Variants in TPO observed in about 807,000 individuals in gnomAD.
The protein encoded by TPO is thyroid peroxidase.
In TPO, 78 loss-of-function variants were observed where a neutral mutation model predicts 96.9. That is an observed-to-expected ratio of 0.81 (90% CI 0.67 to 0.97). TPO has a LOEUF of 0.97. Among genes scored for constraint, TPO ranks in the 50% least tolerant of loss-of-function variants. The pLI is 0.00. For synonymous variants in TPO, 547 were observed against 538.0 expected, an observed-to-expected ratio of 1.02 and a Z score of -0.23; for missense variants, 1,252 against 1,274.8, an observed-to-expected ratio of 0.98 and a Z score of 0.27.
At position 1,493,990 on chromosome 2, in the gene TPO, T is replaced by C. The variant is rs1672071515; in HGVS notation, c.1957T>C (p.Phe653Leu). The change falls in exon 11 of 17, where the codon TTT (phenylalanine) becomes CTT (leucine). Residue 653 changes from phenylalanine (F) to leucine (L), a missense_variant. By Grantham distance (22) the Phe-to-Leu change is conservative. Transcript: ENST00000329066. ...CCCCAGGGCTCGGACAGGGCCCCTG[T>C]TTGCCTGTCTCATTGGGAAGCAGAT... ...FLPRARTGPL[F>L]ACLIGKQMKA... is the part of the protein sequence containing the mutation. The C allele has an allele frequency of 1.2e-6, 2 of 1,614,118 alleles. No homozygotes were observed. The highest frequency in any genetic ancestry group is 8.5e-7 in the Non-Finnish European group (1 of 1,180,020).
At chr2:1,475,733 T>G (rs371593866) in intron 7 of TPO, among the ~76,000 whole-genome samples, 241 of 152,196 alleles carry the variant, frequency 1.6e-3, no homozygotes, top group African/African-American at 5.5e-3. Flanking sequence ...ATTACAGGCG[T>G]GAGCCCCCGC....
chr2:1,499,480 C>T (rs1317036023), intron 13 of TPO, among the ~76,000 whole-genome samples: 2 of 152,138 alleles, frequency 1.3e-5, no homozygotes, highest in Non-Finnish European at 2.9e-5. Context: ...GGTGCAGGGG[C>T]CTGTCTCGGC....
intron 2 of TPO, among the ~76,000 whole-genome samples, chr2:1,421,980 G>A (rs1404040081): frequency 6.6e-6 from 1 of 152,212 alleles, no homozygotes; most frequent in Non-Finnish European, 1.5e-5. Context: ...GCCCGTGCTA[G>A]GTGTTCCTCC....
intron 5 of TPO, 110 bp downstream of exon 5, chr2:1,436,494 G>A: frequency 6.5e-7 from 1 of 1,540,042 alleles, no homozygotes; most frequent in South Asian, 1.2e-5. Flanking sequence ...ATCCACCCCT[G>A]AGCCCCTGGT....
intron 1 of TPO, among the ~76,000 whole-genome samples, chr2:1,404,881 A>G (rs1662225575): frequency 6.6e-6 from 1 of 152,206 alleles, no homozygotes; most frequent in Non-Finnish European, 1.5e-5. Flanking sequence ...CTTACCTTTC[A>G]AGATTAATTT....
intron 8 of TPO, among the ~76,000 whole-genome samples, chr2:1,479,444 C>T (rs1670327765): frequency 1.3e-5 from 2 of 152,356 alleles, no homozygotes; most frequent in Admixed American, 6.5e-5. Flanking sequence ...TCTGTCTCCT[C>T]AGGAGCAGGA....
chr2:1,478,689 G>A (rs986968155), intron 8 of TPO, among the ~76,000 whole-genome samples: 3 of 152,242 alleles, frequency 2.0e-5, no homozygotes, highest in African/African-American at 4.8e-5. Flanking sequence ...CACGGCAGAC[G>A]GGCTCACTGT....
In TPO at chr2:1,433,506, C is replaced by T; in HGVS notation, c.248C>T (p.Thr83Ile). 1 of 1,614,224 alleles carries T rather than the reference C, an allele frequency of 6.2e-7. No individual in the cohort carries two copies. The highest frequency in any genetic ancestry group is 8.5e-7 in the Non-Finnish European group (1 of 1,180,046). The part of the protein sequence containing the change: ...LLSFSKLPEP[T>I]SGVIARAAEI... The stretch of plus-strand genomic sequence containing the variant: ...TCTTTTTCCAAACTTCCTGAGCCAA[C>T]AAGCGGAGTGATTGCCCGAGCAGCA... Residue 83 changes from threonine (T) to isoleucine (I), a missense_variant, in exon 4 of 17, where the codon ACA (threonine) becomes ATA (isoleucine). Coordinates refer to ENST00000329066, the MANE Select transcript of TPO (RefSeq NM_001206744.2).
chr2:1,511,282 AGC>A lies in TPO; in HGVS notation c.2519-5598_2519-5597del, dbSNP rs1336211666. On this transcript the variant is annotated intron_variant, in intron 14 of 16. Transcript: ENST00000329066. Reference sequence around the variant, plus strand: ...CAGCCCTGCAGACTGGGGGTGCCACAGCGCAGCCCTGCAGACTGGGGGTGCCA... The same window carrying A: ...CAGCCCTGCAGACTGGGGGTGCCACAGCAGCCCTGCAGACTGGGGGTGCCA... 2.3e-4 allele frequency among the ~76,000 whole-genome samples: 29 copies of A among 128,662 alleles called. 1 individual carries two copies. Among genetic ancestry groups the A allele is most frequent in the East Asian group, 4.8e-4 (2 of 4,206 alleles). 84.4% of individuals were successfully genotyped at this position (128,662 alleles called of 152,430 possible).
chr2:1,528,180 C>A (rs1432086925), intron 15 of TPO, among the ~76,000 whole-genome samples: 1 of 142,650 alleles, frequency 7.0e-6, no homozygotes, highest in Non-Finnish European at 1.5e-5. Context: ...GTGAGCAAAC[C>A]CCCACATCCC....
intron 15 of TPO, among the ~76,000 whole-genome samples, chr2:1,521,194 T>C (rs1175492793): frequency 2.0e-5 from 3 of 152,314 alleles, no homozygotes; most frequent in East Asian, 1.9e-4. Context: ...AGCAAATCCA[T>C]GGGAAAGCCG....
chr2:1,496,420 C>G (rs1672350682), intron 12 of TPO, among the ~76,000 whole-genome samples, 175 bp from the exon 13 acceptor site: 1 of 152,186 alleles, frequency 6.6e-6, no homozygotes, highest in South Asian at 2.1e-4. Context: ...CCGCGGGGCC[C>G]GATCTGGGAA....
At chr2:1,374,761 T>G (rs1487085936) in intron 1 of TPO, among the ~76,000 whole-genome samples, 1 of 150,674 alleles carries the variant, frequency 6.6e-6, no homozygotes, top group East Asian at 2.0e-4. Context: ...GACGTCTTGC[T>G]CTGTCACCCA....
chr2:1,380,381 G>A (rs1012569426), intron 1 of TPO, among the ~76,000 whole-genome samples: 22 of 137,120 alleles, frequency 1.6e-4, no homozygotes, highest in Non-Finnish European at 2.5e-4. Context: ...GCGACAGAGC[G>A]AGACTCTGTC....
At chr2:1,412,224 G>A (rs1000483844), upstream of TPO, among the ~76,000 whole-genome samples, 4 of 152,160 alleles carry the variant, frequency 2.6e-5, no homozygotes, top group African/African-American at 9.7e-5. Context: ...GGCCTTCCTA[G>A]GGCCAGTACA....
intron 14 of TPO, among the ~76,000 whole-genome samples, chr2:1,515,308 G>A (rs1674574499): frequency 6.6e-6 from 1 of 152,222 alleles, no homozygotes; most frequent in South Asian, 2.1e-4. Context: ...CCCAGGGCCA[G>A]CAAGCAGCTC....
intron 4 of TPO, among the ~76,000 whole-genome samples, chr2:1,433,977 G>C (rs1234184688): frequency 6.6e-6 from 1 of 152,182 alleles, no homozygotes; most frequent in Non-Finnish European, 1.5e-5. Context: ...GACTTCATGT[G>C]TGAGGCAGCG....
chr2:1,530,374 CCA>C (rs1427160320), intron 15 of TPO, among the ~76,000 whole-genome samples: 2 of 148,422 alleles, frequency 1.3e-5, no homozygotes, highest in Non-Finnish European at 3.0e-5. Context: ...CCAAATATCC[CCA>C]GTGTGTGCAA....
chr2:1,509,258 T>C (rs764885884), intron 14 of TPO, among the ~76,000 whole-genome samples: 24 of 152,188 alleles, frequency 1.6e-4, no homozygotes, highest in Middle Eastern at 3.2e-3. Flanking sequence ...AGACGGTTTG[T>C]TATTTCTGTT....
Sources: allele counts gnomAD v4.1 joint callset (sites outside exome capture counted in the v4.1 genomes callset), GRCh38; gene constraint gnomAD v4.1.1; transcripts MANE v1.5; gene names NCBI Gene and HGNC (gene_info 2026-07-23, HGNC 2026-07-21).